The following SUMF2 variants were observed in gnomAD, a reference collection of about 807,000 sequenced individuals.
SUMF2 encodes the protein inactive C-alpha-formylglycine-generating enzyme 2.
A neutral mutation model predicts 44.8 loss-of-function variants in SUMF2; 45 were observed. The observed-to-expected ratio is 1.00, with a 90% CI of 0.79 to 1.29. The LOEUF (loss-of-function observed/expected upper bound fraction) is 1.29, where lower values mean the gene tolerates loss of function less well. SUMF2 is among the 50% of genes most tolerant of loss of function. SUMF2 has a pLI of 0.00. For synonymous variants in SUMF2, 148 were observed against 150.4 expected (o/e 0.98, Z 0.12); for missense variants, 418 against 389.9 (o/e 1.07, Z -0.61).
the SUMF2 span, chr7:56,087,764 A>G: frequency 1.9e-6 from 3 of 1,611,882 alleles, no homozygotes; most frequent in East Asian, 2.2e-5. Context: ...GCCTGACCAC[A>G]CTGCTAACGC....
At position 56,074,666 on chromosome 7, in the gene SUMF2, C is replaced by G. The variant is rs1450058549; in HGVS notation, c.465C>G (p.Tyr155Ter). 6.2e-7 allele frequency: 1 copy of G among 1,614,202 alleles called. No homozygotes were observed. Among genetic ancestry groups the G allele is most frequent in the African/African-American group, 1.3e-5 (1 of 75,060 alleles). Residue 155 changes from tyrosine (Y) to a stop codon, truncating the protein, a stop_gained, in exon 5 of 9, where the codon TAC (tyrosine) becomes TAG (stop). Coordinates refer to ENST00000434526, the MANE Select transcript of SUMF2 (RefSeq NM_015411.4). LOFTEE classifies it high-confidence loss of function. ...TGAGCTGGAATGACGCCCGTGCCTA[C>G]TGTGCTTGGCGGGGAAAACGACTGC... ...LHVSWNDARA[Y>*]CAWRGKRLPT...
At chr7:56,068,996 G>A (rs890325965) in intron 2 of SUMF2, among the ~76,000 whole-genome samples, 2 of 152,010 alleles carry the variant, frequency 1.3e-5, no homozygotes, top group African/African-American at 2.4e-5. Context: ...ACAGGCATGA[G>A]CCACTGCACT....
chr7:56,081,836 C>A, downstream of SUMF2: 3 of 1,609,390 alleles, frequency 1.9e-6, no homozygotes, highest in Non-Finnish European at 2.5e-6. The surrounding 1 kb of genome is among the most constrained non-coding windows in gnomAD (Gnocchi z 4.6). Flanking sequence ...CCTCCCCGGG[C>A]AGGGGCGCCT....
In SUMF2 at chr7:56,074,718, G is replaced by C; in HGVS notation, c.517G>C (p.Ala173Pro). 6.2e-7 allele frequency: 1 copy of C among 1,614,130 alleles called. No individual in the cohort carries two copies. Among genetic ancestry groups the C allele is most frequent in the Non-Finnish European group, 8.5e-7 (1 of 1,180,014 alleles). ...CACGGAGGAAGAGTGGGAGTTTGCCGCCCGAGGGGGCTTGAAGGGTATCCA... is the reference window on the plus strand; with the variant it reads ...CACGGAGGAAGAGTGGGAGTTTGCCCCCCGAGGGGGCTTGAAGGGTATCCA... ...LPTEEEWEFA[A>P]RGGLKGQVYP... Residue 173 changes from alanine to proline, a missense_variant, in exon 5 of 9, where the codon GCC becomes CCC. By Grantham distance (27) the Ala-to-Pro change is conservative. Coordinates refer to ENST00000434526, the MANE Select transcript of SUMF2 (RefSeq NM_015411.4).
downstream of SUMF2, among the ~76,000 whole-genome samples, chr7:56,082,601 A>AG (rs2117546117): frequency 6.6e-6 from 1 of 151,824 alleles, no homozygotes; most frequent in Admixed American, 6.6e-5. Flanking sequence ...CAAAAAAAAA[A>AG]GAGAGGAAGT....
downstream of SUMF2, chr7:56,081,078 G>T (rs1274579243): frequency 1.9e-6 from 3 of 1,612,688 alleles, no homozygotes; most frequent in Admixed American, 5.0e-5. The surrounding 1 kb of genome is among the most constrained non-coding windows in gnomAD (Gnocchi z 4.6). Context: ...CGGCCAGGGA[G>T]AGGAGCACGG....
intron 2 of SUMF2, among the ~76,000 whole-genome samples, chr7:56,069,515 C>T (rs1210274250): frequency 1.3e-5 from 2 of 151,858 alleles, no homozygotes; most frequent in Non-Finnish European, 2.9e-5. Context: ...ATATATATAA[C>T]AATCCATCTT....
chr7:56,081,064 T>C (rs1795952684), downstream of SUMF2: 2 of 1,609,632 alleles, frequency 1.2e-6, no homozygotes, highest in South Asian at 1.1e-5. This position sits in a 1 kb window ranked among gnomAD's most constrained non-coding sequence, Gnocchi z 4.6. Flanking sequence ...TCAGTAGTCC[T>C]CCTCGGCCAG....
chr7:56,070,735 A>C (rs1277940890), intron 2 of SUMF2, among the ~76,000 whole-genome samples: 1 of 152,174 alleles, frequency 6.6e-6, no homozygotes, highest in Admixed American at 6.5e-5. Context: ...GATCTCCAAA[A>C]ACAGGAGATA....
intron 5 of SUMF2, among the ~76,000 whole-genome samples, chr7:56,074,945 A>G (rs1795442360): frequency 6.6e-6 from 1 of 152,068 alleles, no homozygotes; most frequent in Non-Finnish European, 1.5e-5. Flanking sequence ...GAAAAATACA[A>G]AAATGAGCTG....
At position 56,080,437 on chromosome 7, in the gene SUMF2, G is replaced by A. The variant is rs528304793; in HGVS notation, c.*825G>A. 5.1e-5 allele frequency: 8 copies of A among 157,782 alleles called. No homozygotes were observed. The highest frequency in any genetic ancestry group is 1.9e-4 in the African/African-American group (8 of 41,422). 9.8% of individuals were successfully genotyped at this position (157,782 alleles called of 1,614,324 possible). A position where few individuals can be genotyped will look rare whatever the true frequency, so the allele number is the denominator to read the frequency against. On this transcript the variant is annotated 3_prime_UTR_variant, in exon 9 of 9. Transcript: ENST00000434526. ...CACCACCATGCCTGGCTAATTTTTTGAATTTTTGTAGTGATGGGATCTCGC... is the reference window on the plus strand; with the variant it reads ...CACCACCATGCCTGGCTAATTTTTTAAATTTTTGTAGTGATGGGATCTCGC...
Position 56,078,111 on chromosome 7 carries a change from C to T in SUMF2, c.601C>T (p.Pro201Ser), listed in dbSNP as rs375373528. ...NRTNLWQGKFPKGDKAEDGFH... is the reference protein window; with the variant it reads ...NRTNLWQGKFSKGDKAEDGFH... ...TCCTTTCTCCCATCAGGGAAAGTTC[C>T]CCAAGGGAGACAAAGCTGAGGATGG... Residue 201 changes from proline (P) to serine (S), a missense_variant, in exon 7 of 9, where the codon CCC (proline) becomes TCC (serine). Physicochemically the swap from Pro to Ser is moderately conservative, Grantham distance 74 (BLOSUM62 -1). Coordinates refer to ENST00000434526, the MANE Select transcript of SUMF2 (RefSeq NM_015411.4). 1 of 1,611,752 alleles carries T rather than the reference C, an allele frequency of 6.2e-7. No homozygotes were observed. Among genetic ancestry groups the T allele is most frequent in the Non-Finnish European group, 8.5e-7 (1 of 1,178,316 alleles).
At chr7:56,074,801 T>TA in intron 5 of SUMF2, 65 bp downstream of exon 5, 13 of 1,596,798 alleles carry the variant, frequency 8.1e-6, no homozygotes, top group Non-Finnish European at 1.1e-5. Flanking sequence ...TGAGGGGCTT[T>TA]AAAGGGTGGA....
chr7:56,074,377 C>A, intron 4 of SUMF2, 159 bp downstream of exon 4: 1 of 1,000,442 alleles, frequency 1.0e-6, no homozygotes, highest in Non-Finnish European at 1.5e-6. Context: ...TTCACCTGCC[C>A]GAATCCTGTT....
chr7:56,076,851 G>A lies in SUMF2; in HGVS notation c.553G>A (p.Gly185Arg), dbSNP rs964169813. 4.4e-6 allele frequency: 7 copies of A among 1,601,700 alleles called. No homozygotes were observed. Among genetic ancestry groups the A allele is most frequent in the South Asian group, 3.4e-5 (3 of 88,858 alleles). ...CCTCGCAGGTCAAGTTTACCCATGG[G>A]GGAACTGGTTCCAGCCAAACCGCAC... The part of the protein sequence containing the change: ...GGLKGQVYPW[G>R]NWFQPNRTNL... Residue 185 changes from glycine (G) to arginine (R), a missense_variant, in exon 6 of 9, where the codon GGG becomes AGG. Transcript: ENST00000434526.
At chr7:56,064,955 G>A (rs13247558) in intron 1 of SUMF2, among the ~76,000 whole-genome samples, 2,611 of 149,038 alleles carry the variant, frequency 0.018, 51 homozygotes, top group Admixed American at 0.046. Context: ...CACTTTGGGA[G>A]GCCGAGGCGG....
Position 56,072,462 on chromosome 7 carries a change from C to T in SUMF2, c.225-535C>T, listed in dbSNP as rs1488978790. Reference sequence around the variant, plus strand: ...TAAATAGGACAGGTGTGGTGGCTCACGCCTGTAATCTCAGCCCTTTGGGAG... The same window carrying T: ...TAAATAGGACAGGTGTGGTGGCTCATGCCTGTAATCTCAGCCCTTTGGGAG... On this transcript the variant is annotated intron_variant, in intron 2 of 8. Coordinates refer to ENST00000434526, the MANE Select transcript of SUMF2 (RefSeq NM_015411.4). Among the ~76,000 whole-genome samples, 3 of 150,658 alleles carry T rather than the reference C, an allele frequency of 2.0e-5. No individual in the cohort carries two copies. The East Asian group carries it at 6.0e-4, about 30-fold the overall frequency.
At chr7:56,083,729 G>A, downstream of SUMF2, 1 of 1,558,646 alleles carries the variant, frequency 6.4e-7, no homozygotes, top group East Asian at 2.3e-5. Flanking sequence ...TGGAAACAGA[G>A]GGTTGATAGC....
At chr7:56,068,129 G>T (rs1421025050) in intron 1 of SUMF2, among the ~76,000 whole-genome samples, 1 of 149,094 alleles carries the variant, frequency 6.7e-6, no homozygotes, top group Non-Finnish European at 1.5e-5. Context: ...CGCCTCCCGG[G>T]TTTACACCAT....
Sources: gnomAD v4.1 joint callset for allele counts (sites outside exome capture counted in the v4.1 genomes callset) on GRCh38, gnomAD v4.1.1 for gene constraint, Gnocchi (gnomAD v3.1) non-coding constraint, MANE v1.5 for transcripts, NCBI Gene and HGNC (gene_info 2026-07-23, HGNC 2026-07-21) for gene names.